CRIM1: variants seen among roughly 807,000 people sequenced by gnomAD.
CRIM1 encodes the protein cysteine rich transmembrane BMP regulator 1.
Under a neutral mutation model 116.4 loss-of-function variants are expected in CRIM1, and 32 were observed. That is an observed-to-expected ratio of 0.27 (90% CI 0.21 to 0.37). The LOEUF (loss-of-function observed/expected upper bound fraction) is 0.37, where lower values mean the gene tolerates loss of function less well. Among genes scored for constraint, CRIM1 ranks in the 10% least tolerant of loss-of-function variants. The pLI is 1.00. For missense variants in CRIM1, 1,331 were observed against 1,354.8 expected, an observed-to-expected ratio of 0.98 and a Z score of 0.28; for synonymous variants, 590 against 509.2, an observed-to-expected ratio of 1.16 and a Z score of -2.13.
At chr2:36,539,245 G>T (rs1223789930) in intron 14 of CRIM1, among the ~76,000 whole-genome samples, 1 of 152,196 alleles carries the variant, frequency 6.6e-6, no homozygotes, top group Admixed American at 6.5e-5. Flanking sequence ...CAGAATTGCA[G>T]TTCTCATGGG....
intron 5 of CRIM1, among the ~76,000 whole-genome samples, chr2:36,470,376 T>G (rs1160584260): frequency 6.6e-6 from 1 of 152,194 alleles, no homozygotes; most frequent in Non-Finnish European, 1.5e-5. Flanking sequence ...GGAAGCAGCC[T>G]TCTATGGAAA....
chr2:36,397,336 T>C (rs1178941951), intron 2 of CRIM1, among the ~76,000 whole-genome samples: 1 of 152,170 alleles, frequency 6.6e-6, no homozygotes, highest in African/African-American at 2.4e-5. Flanking sequence ...AAAATTATAC[T>C]GATATGGCTC....
At position 36,499,235 on chromosome 2, in the gene CRIM1, A is replaced by T; in HGVS notation, c.1389A>T (p.Thr463=). ...TATTATTAGAACCAACCATCATCAC[A>T]GTTGATCCACCTGCATGTGGGGAGT... ...CPVCEEPTII[T]VDPPACGELS... Residue 463 remains threonine, a synonymous_variant, in exon 8 of 17, where the codon ACA becomes ACT. Coordinates refer to ENST00000280527, the MANE Select transcript of CRIM1 (RefSeq NM_016441.3). 6.2e-7 allele frequency: 1 copy of T among 1,611,564 alleles called. No individual in the cohort carries two copies.
At chr2:36,475,163 A>G (rs1404602876) in intron 5 of CRIM1, among the ~76,000 whole-genome samples, 1 of 152,238 alleles carries the variant, frequency 6.6e-6, no homozygotes, top group African/African-American at 2.4e-5. Flanking sequence ...TAGAGATTGC[A>G]TTGAACATGT....
At chr2:36,519,880 A>C (rs1665263218) in intron 12 of CRIM1, among the ~76,000 whole-genome samples, 1 of 151,568 alleles carries the variant, frequency 6.6e-6, no homozygotes, top group Non-Finnish European at 1.5e-5. Flanking sequence ...CTTTATTTTT[A>C]GAGTTGGAAA....
At chr2:36,542,085 A>G (rs1013650294) in intron 14 of CRIM1, among the ~76,000 whole-genome samples, 1 of 152,154 alleles carries the variant, frequency 6.6e-6, no homozygotes, top group Non-Finnish European at 1.5e-5. Flanking sequence ...TCTGTGATAA[A>G]GAAGGAGGTG....
intron 11 of CRIM1, among the ~76,000 whole-genome samples, chr2:36,515,992 T>C (rs1404925699): frequency 6.6e-6 from 1 of 152,244 alleles, no homozygotes; most frequent in African/African-American, 2.4e-5. Context: ...CTTGTTCTTA[T>C]ACTGGAAAGT....
intron 2 of CRIM1, among the ~76,000 whole-genome samples, chr2:36,427,275 C>T (rs75514166): frequency 0.038 from 5,745 of 152,134 alleles, 154 homozygotes; most frequent in Middle Eastern, 0.061. Context: ...CTTCATCCTC[C>T]TCATTTGCTA....
At chr2:36,458,083 A>G (rs564988154) in intron 4 of CRIM1, among the ~76,000 whole-genome samples, 11 of 152,302 alleles carry the variant, frequency 7.2e-5, no homozygotes, top group African/African-American at 2.4e-4. Flanking sequence ...TCCGGTGTGT[A>G]GTAGATCCAG....
chr2:36,430,795 A>G (rs1369802550), intron 2 of CRIM1, among the ~76,000 whole-genome samples: 2 of 152,158 alleles, frequency 1.3e-5, no homozygotes, highest in African/African-American at 4.8e-5. Context: ...CCTTTATGGT[A>G]TGGGTCTAAA....
intron 1 of CRIM1, among the ~76,000 whole-genome samples, chr2:36,357,146 T>C (rs1160293535): frequency 6.6e-6 from 1 of 152,208 alleles, no homozygotes; most frequent in Non-Finnish European, 1.5e-5. Flanking sequence ...TTCCTTGAGC[T>C]CTTCCTTCAC....
chr2:36,456,127 T>C (rs1462425231), intron 4 of CRIM1, among the ~76,000 whole-genome samples: 3 of 152,064 alleles, frequency 2.0e-5, no homozygotes, highest in South Asian at 2.1e-4. Flanking sequence ...CCAGACATCG[T>C]TGGTGTTTGT....
At chr2:36,410,805 G>A (rs1191138221) in intron 2 of CRIM1, among the ~76,000 whole-genome samples, 1 of 152,030 alleles carries the variant, frequency 6.6e-6, no homozygotes, top group Non-Finnish European at 1.5e-5. Context: ...TTTTGCAACA[G>A]TGTACATGAA....
At chr2:36,365,043 C>T (rs546096525) in intron 1 of CRIM1, among the ~76,000 whole-genome samples, 114 of 152,068 alleles carry the variant, frequency 7.5e-4, no homozygotes, top group African/African-American at 2.6e-3. Context: ...GTGGGAGTTT[C>T]GAGGGGGAAT....
At chr2:36,544,559 T>C in intron 15 of CRIM1, 61 bp downstream of exon 15, 2 of 1,307,388 alleles carry the variant, frequency 1.5e-6, no homozygotes, top group African/African-American at 1.5e-5. Flanking sequence ...AGGTGTTTTC[T>C]AATTTTTAAA....
chr2:36,471,554 G>T (rs147310957), intron 5 of CRIM1, among the ~76,000 whole-genome samples: 1 of 152,240 alleles, frequency 6.6e-6, no homozygotes, highest in African/African-American at 2.4e-5. Context: ...TAGCAATAAA[G>T]TATTTTAAAT....
intron 8 of CRIM1, among the ~76,000 whole-genome samples, chr2:36,500,297 A>C (rs1680896850): frequency 6.6e-6 from 1 of 152,166 alleles, no homozygotes; most frequent in African/African-American, 2.4e-5. Context: ...GCATTACTGC[A>C]CTCCAGCCTG....
rs367889498 is a variant in CRIM1 at position 36,492,371 on chromosome 2, C to T, written c.1373-6848C>T. Among the ~76,000 whole-genome samples, 11 of 152,246 alleles carry T rather than the reference C, an allele frequency of 7.2e-5. No individual in the cohort carries two copies. The East Asian group carries it at 1.2e-3, about 16-fold the overall frequency. On this transcript the variant is annotated intron_variant, in intron 7 of 16. Transcript: ENST00000280527. ...GCTAAAAGAATTTGAAAACTCCAAC[C>T]GTAAGAGACTTTTTTCCATGACTTA...
At chr2:36,525,018 A>G (rs1454567255) in intron 13 of CRIM1, among the ~76,000 whole-genome samples, 6 of 152,146 alleles carry the variant, frequency 3.9e-5, no homozygotes, top group Non-Finnish European at 5.9e-5. Context: ...GTCTCCCTCC[A>G]CAACTTCCCT....
Sources: allele counts gnomAD v4.1 joint callset (sites outside exome capture counted in the v4.1 genomes callset), GRCh38; gene constraint gnomAD v4.1.1; transcripts MANE v1.5; gene names NCBI Gene and HGNC (gene_info 2026-07-23, HGNC 2026-07-21).